Variants in GAS7 observed in about 807,000 individuals in gnomAD.
GAS7 encodes the protein growth arrest-specific protein 7.
A neutral mutation model predicts 71.1 loss-of-function variants in GAS7; 28 were observed. The observed-to-expected ratio is 0.39, with a 90% CI of 0.29 to 0.54. The LOEUF (loss-of-function observed/expected upper bound fraction) is 0.54. GAS7 is among the 20% of genes least tolerant of loss of function. The probability of loss-of-function intolerance (pLI) is 0.62; values close to 1 mark genes in which losing one functional copy is unlikely to be tolerated. For missense variants in GAS7, 436 were observed against 627.8 expected, an observed-to-expected ratio of 0.69 and a Z score of 3.27; for synonymous variants, 258 against 245.8, an observed-to-expected ratio of 1.05 and a Z score of -0.46.
intron 1 of GAS7, among the ~76,000 whole-genome samples, chr17:10,134,296 G>C (rs1291222404): frequency 2.0e-5 from 3 of 152,134 alleles, no homozygotes; most frequent in Admixed American, 6.6e-5. Context: ...CTCCCAAAGT[G>C]CTGGGATTAC....
Position 10,002,067 on chromosome 17 carries a change from T to G in GAS7, c.304+17710A>C, listed in dbSNP as rs537602624. Among the ~76,000 whole-genome samples, 20 of 152,166 alleles carry G rather than the reference T, an allele frequency of 1.3e-4. No individual in the cohort carries two copies. The South Asian group carries it at 4.2e-3, about 32-fold the overall frequency. ...GCTATCAGTGCTCAAAGATAACCAC[T>G]AGTGTGGGGCGGGGGAAGTGTGTCA... On this transcript the variant is annotated intron_variant, in intron 2 of 13. Transcript: ENST00000432992.
Position 9,926,751 on chromosome 17 carries a change from T to C in GAS7, c.904A>G (p.Lys302Glu). The C allele has an allele frequency of 6.2e-7, 1 of 1,614,102 alleles. No individual in the cohort carries two copies. The highest frequency in any genetic ancestry group is 8.5e-7 in the Non-Finnish European group (1 of 1,180,008). ...TTCTCACGGAAGTTCATCAGGGGCT[T>C]CTCCACCTCGCTGTGAAGCTGTTGG... ...FSAKLHSEVE[K>E]PLMNFRENFK... The change falls in exon 10 of 14, where the codon AAG (lysine) becomes GAG (glutamate). Residue 302 changes from lysine to glutamate, a missense_variant. Physicochemically the swap from Lys to Glu is moderately conservative, Grantham distance 56. Transcript: ENST00000432992. This position sits in a 1 kb window ranked among gnomAD's most constrained non-coding sequence, Gnocchi z 5.0.
At chr17:9,949,366 A>C (rs1397780213) in intron 5 of GAS7, among the ~76,000 whole-genome samples, 2 of 152,218 alleles carry the variant, frequency 1.3e-5, no homozygotes, top group Non-Finnish European at 2.9e-5. Context: ...AAGTGTTGGC[A>C]ATTAATTCAA....
chr17:10,072,044 G>A (rs542300963), intron 1 of GAS7, among the ~76,000 whole-genome samples: 19 of 152,202 alleles, frequency 1.2e-4, no homozygotes, highest in Non-Finnish European at 2.6e-4. Flanking sequence ...GAGAAATGCT[G>A]CCACGTTCTC....
At chr17:9,934,931 T>G (rs2068344299) in intron 8 of GAS7, among the ~76,000 whole-genome samples, 1 of 152,190 alleles carries the variant, frequency 6.6e-6, no homozygotes, top group Non-Finnish European at 1.5e-5. Flanking sequence ...AGACGGGGTT[T>G]TGCCATGTTG....
chr17:10,197,328 G>C (rs902481553), intron 1 of GAS7, among the ~76,000 whole-genome samples: 6 of 152,204 alleles, frequency 3.9e-5, no homozygotes, highest in Non-Finnish European at 8.8e-5. Flanking sequence ...ACCATTGAAG[G>C]TAACTGTTAA....
intron 2 of GAS7, among the ~76,000 whole-genome samples, chr17:10,007,475 T>C (rs2071582969): frequency 6.6e-6 from 1 of 151,566 alleles, no homozygotes; most frequent in African/African-American, 2.4e-5. Flanking sequence ...AAATACAAAA[T>C]TAGCCAGGCG....
At chr17:10,031,546 G>A (rs1330341206) in intron 1 of GAS7, among the ~76,000 whole-genome samples, 1 of 152,234 alleles carries the variant, frequency 6.6e-6, no homozygotes, top group African/African-American at 2.4e-5. Context: ...GAATCAAGCT[G>A]TCGGCAGAGG....
chr17:10,005,050 T>TATATAC (rs1296844463), intron 2 of GAS7, among the ~76,000 whole-genome samples: 7,960 of 150,120 alleles, frequency 0.053, 689 homozygotes, highest in African/African-American at 0.18. Context: ...TACATATATA[T>TATATAC]ACACATATAT....
rs139961963 is a variant in GAS7, at chr17:10,136,856, C to A, written c.183+61352G>T. Among the ~76,000 whole-genome samples, 14 of 152,240 alleles carry A rather than the reference C, an allele frequency of 9.2e-5. No individual in the cohort carries two copies. The South Asian group carries it at 2.7e-3, about 29-fold the overall frequency. The stretch of plus-strand genomic sequence containing the variant: ...AAATCTGGCCAGGCATCGTGGCTCA[C>A]GCCTGTAAAAATCCCAGCTCTCTGG... On this transcript the variant is annotated intron_variant, in intron 1 of 13. Coordinates refer to ENST00000432992, the MANE Select transcript of GAS7 (RefSeq NM_201433.2).
chr17:10,028,153 T>C (rs910331789), intron 1 of GAS7, among the ~76,000 whole-genome samples: 3 of 152,230 alleles, frequency 2.0e-5, no homozygotes, highest in Non-Finnish European at 4.4e-5. Context: ...TCCACCCACC[T>C]TGGCCTCCTA....
intron 1 of GAS7, among the ~76,000 whole-genome samples, chr17:10,131,557 G>A (rs930595604): frequency 6.6e-6 from 1 of 152,200 alleles, no homozygotes; most frequent in Non-Finnish European, 1.5e-5. Flanking sequence ...GGGAGGCGGA[G>A]GTTGCAGTGA....
chr17:10,018,251 G>A (rs560763051), intron 2 of GAS7, among the ~76,000 whole-genome samples: 4 of 152,220 alleles, frequency 2.6e-5, no homozygotes, highest in South Asian at 4.1e-4. Flanking sequence ...AAACAAACTA[G>A]TCTCTAACTT....
intron 1 of GAS7, among the ~76,000 whole-genome samples, chr17:10,164,692 A>C (rs1280902392): frequency 6.6e-6 from 1 of 151,826 alleles, no homozygotes; most frequent in Admixed American, 6.6e-5. Flanking sequence ...AAAATGAAAA[A>C]AAAAAGAAAA....
At chr17:10,078,369 G>A (rs1355931300) in intron 1 of GAS7, among the ~76,000 whole-genome samples, 1 of 152,156 alleles carries the variant, frequency 6.6e-6, no homozygotes, top group East Asian at 1.9e-4. Context: ...TGGGATTACA[G>A]GCATGAGTCA....
Position 9,965,479 on chromosome 17 carries a change from C to T in GAS7, c.471+4198G>A, listed in dbSNP as rs143207024. On this transcript the variant is annotated intron_variant, in intron 4 of 13. Transcript: ENST00000432992. The stretch of plus-strand genomic sequence containing the variant: ...ATGAACAATGGGACCATATGGACAC[C>T]GGTGGGGGAACATCACACACCAGGA... 2.4e-3 allele frequency among the ~76,000 whole-genome samples: 364 copies of T among 152,080 alleles called. 3 individuals are homozygous for T. The highest frequency in any genetic ancestry group is 0.01 in the Middle Eastern group (3 of 294).
At chr17:10,086,620 T>C (rs16959287) in intron 1 of GAS7, among the ~76,000 whole-genome samples, 5,143 of 152,278 alleles carry the variant, frequency 0.034, 303 homozygotes, top group African/African-American at 0.12. Context: ...GCTGTTAAAA[T>C]CACTAGGAAC....
At chr17:10,047,709 CAAAG>C (rs904908277) in intron 1 of GAS7, among the ~76,000 whole-genome samples, 2 of 152,026 alleles carry the variant, frequency 1.3e-5, no homozygotes, top group African/African-American at 2.4e-5. Flanking sequence ...AAAAGGATGA[CAAAG>C]AAGATAGTGG....
intron 5 of GAS7, among the ~76,000 whole-genome samples, chr17:9,949,110 A>G (rs2068903999): frequency 6.6e-6 from 1 of 151,984 alleles, no homozygotes; most frequent in Admixed American, 6.6e-5. Flanking sequence ...TGCAGCTGGG[A>G]TAGGAGGGCG....
Sources: gnomAD v4.1 joint callset for allele counts (sites outside exome capture counted in the v4.1 genomes callset) on GRCh38, gnomAD v4.1.1 for gene constraint, Gnocchi (gnomAD v3.1) non-coding constraint, MANE v1.5 for transcripts, NCBI Gene and HGNC (gene_info 2026-07-23, HGNC 2026-07-21) for gene names.